Variants in IPCEF1 observed in about 807,000 individuals in gnomAD.
The protein encoded by IPCEF1 is interaction protein for cytohesin exchange factors 1.
Under a neutral mutation model 50.9 loss-of-function variants are expected in IPCEF1, and 31 were observed. The ratio of observed to expected loss-of-function variants is 0.61; its 90% CI spans 0.46 to 0.82. IPCEF1 has a LOEUF of 0.82. Among genes scored for constraint, IPCEF1 ranks in the 40% least tolerant of loss-of-function variants. The pLI is 0.00. For missense variants in IPCEF1, 458 were observed against 514.0 expected (o/e 0.89, Z 1.05); for synonymous variants, 181 against 192.0 (o/e 0.94, Z 0.47).
At chr6:154,308,930 G>T (rs59356861) in intron 1 of IPCEF1, among the ~76,000 whole-genome samples, 10,730 of 152,168 alleles carry the variant, frequency 0.071, 547 homozygotes, top group African/African-American at 0.14. Context: ...CACAAGGACC[G>T]TCTGCTAAAA....
intron 1 of IPCEF1, among the ~76,000 whole-genome samples, chr6:154,353,211 C>A (rs946040825): frequency 6.6e-6 from 1 of 152,118 alleles, no homozygotes; most frequent in East Asian, 1.9e-4. Context: ...CACACTATCA[C>A]TAAAACATTG....
At chr6:154,253,679 C>CTTTAATTT (rs1781392436) in intron 3 of IPCEF1, among the ~76,000 whole-genome samples, 1 of 152,182 alleles carries the variant, frequency 6.6e-6, no homozygotes, top group African/African-American at 2.4e-5. Context: ...ATATGTGCAT[C>CTTTAATTT]TTTAATTTTT....
At chr6:154,275,711 C>T (rs887898486) in intron 2 of IPCEF1, among the ~76,000 whole-genome samples, 19 of 152,092 alleles carry the variant, frequency 1.2e-4, no homozygotes, top group African/African-American at 4.3e-4. Context: ...GTGCCCTTTA[C>T]ACCAAAGTGA....
chr6:154,229,970 G>A (rs139384887), intron 5 of IPCEF1, among the ~76,000 whole-genome samples: 169 of 152,328 alleles, frequency 1.1e-3, no homozygotes, highest in African/African-American at 3.9e-3. Flanking sequence ...CAAGCGATCA[G>A]TTATGACTGT....
chr6:154,172,371 T>C (rs559108188), intron 10 of IPCEF1, among the ~76,000 whole-genome samples: 10 of 152,312 alleles, frequency 6.6e-5, no homozygotes, highest in Admixed American at 5.9e-4. Flanking sequence ...GGTCGGGGGA[T>C]TTCCCTTTCC....
intron 1 of IPCEF1, among the ~76,000 whole-genome samples, chr6:154,310,539 T>C (rs188376401): frequency 4.6e-5 from 7 of 152,304 alleles, no homozygotes; most frequent in Admixed American, 1.3e-4. Flanking sequence ...ATTCTGGGTG[T>C]ATATCCAAAG....
rs532874855 is a variant in IPCEF1, at chr6:154,173,641, G to A, written c.911-5528C>T. Among the ~76,000 whole-genome samples, 38 of 152,126 alleles carry A rather than the reference G, an allele frequency of 2.5e-4. 1 individual carries two copies. Among genetic ancestry groups the A allele is most frequent in the African/African-American group, 8.2e-4 (34 of 41,488 alleles). On this transcript the variant is annotated intron_variant, in intron 10 of 11. Coordinates refer to ENST00000367220, the MANE Select transcript of IPCEF1 (RefSeq NM_001130700.2). ...TATAGAAAAAAGAATGAAAAGAAACGAACAAAGCCTCCAAGAAATATGGGA... is the reference window on the plus strand; with the variant it reads ...TATAGAAAAAAGAATGAAAAGAAACAAACAAAGCCTCCAAGAAATATGGGA...
chr6:154,212,791 G>C lies in IPCEF1; in HGVS notation c.516C>G (p.His172Gln). 1 of 1,612,476 alleles carries C rather than the reference G, an allele frequency of 6.2e-7. No homozygotes were observed. The highest frequency in any genetic ancestry group is 1.1e-5 in the South Asian group (1 of 91,020). ...EIAAETPPPP[H>Q]ASQTQSLTAQ... ...ATACCAAAGACTGAGTCTGGGAAGC[G>C]TGAGGAGGGGGTGGTGTCTCCGCAG... The change falls in exon 9 of 12, where the codon CAC becomes CAG. Residue 172 changes from histidine to glutamine, a missense_variant. Transcript: ENST00000367220.
intron 11 of IPCEF1, among the ~76,000 whole-genome samples, chr6:154,167,028 C>T (rs530165840): frequency 7.2e-5 from 11 of 152,258 alleles, no homozygotes; most frequent in South Asian, 2.1e-4. Flanking sequence ...CTAACTGGGA[C>T]GCCTAAGAGC....
chr6:154,259,681 T>C (rs1781547094), intron 3 of IPCEF1, among the ~76,000 whole-genome samples: 1 of 151,644 alleles, frequency 6.6e-6, no homozygotes, highest in Non-Finnish European at 1.5e-5. Flanking sequence ...AAATAAAAAA[T>C]AAATAAATAA....
chr6:154,277,589 A>T, intron 2 of IPCEF1, among the ~76,000 whole-genome samples: 1 of 152,232 alleles, frequency 6.6e-6, no homozygotes, highest in South Asian at 2.1e-4. Context: ...CTAAGTTTTC[A>T]AAAAGAAAAT....
In IPCEF1 at chr6:154,160,071, T is replaced by A. The variant is rs1373079159; in HGVS notation, c.1105-31A>T. ...TGAGTAGAAAAAAAGGGGAAGGGGG[T>A]ATGTTGAGAGTGTCTTAATTTACAT... is the stretch of plus-strand genomic sequence containing the variant. On this transcript the variant is annotated intron_variant, in intron 11 of 11. Transcript: ENST00000367220. 1.0e-5 allele frequency: 16 copies of A among 1,526,020 alleles called. No homozygotes were observed. In the African/African-American group the frequency reaches 2.2e-4, roughly 21 times the overall value. 94.5% of individuals were successfully genotyped at this position (1,526,020 alleles called of 1,614,324 possible).
At chr6:154,291,732 T>C (rs1002602184) in intron 1 of IPCEF1, among the ~76,000 whole-genome samples, 4 of 140,966 alleles carry the variant, frequency 2.8e-5, no homozygotes, top group Non-Finnish European at 6.0e-5. Flanking sequence ...TCGTCCAGGC[T>C]GGAGAGCCGT....
intron 5 of IPCEF1, among the ~76,000 whole-genome samples, chr6:154,228,037 G>A (rs1306975639): frequency 1.3e-5 from 2 of 152,086 alleles, no homozygotes; most frequent in African/African-American, 2.4e-5. Context: ...AATCTTGAGA[G>A]AATGACAGTG....
intron 2 of IPCEF1, among the ~76,000 whole-genome samples, chr6:154,273,112 G>A (rs1781938409): frequency 6.6e-6 from 1 of 152,184 alleles, no homozygotes. Flanking sequence ...AGAGCCTTAA[G>A]TGAAAACAAA....
At chr6:154,270,744 G>A (rs9383698) in intron 2 of IPCEF1, among the ~76,000 whole-genome samples, 38,443 of 152,048 alleles carry the variant, frequency 0.25, 5,425 homozygotes, top group East Asian at 0.65. Flanking sequence ...GGGAGGCCAA[G>A]GTGGGCAAAT....
chr6:154,222,840 G>GTTTTT, intron 6 of IPCEF1: 1 of 324,174 alleles, frequency 3.1e-6, no homozygotes, highest in Non-Finnish European at 5.9e-6. Flanking sequence ...TTAACTGCTT[G>GTTTTT]TTTTTTCTTT....
At chr6:154,306,486 C>T (rs1466187810) in intron 1 of IPCEF1, among the ~76,000 whole-genome samples, 2 of 152,210 alleles carry the variant, frequency 1.3e-5, no homozygotes, top group Admixed American at 6.5e-5. Context: ...ATCCTCCTGC[C>T]TCAGTCTCCC....
chr6:154,223,260 C>G lies in IPCEF1; in HGVS notation c.247-17G>C. The G allele has an allele frequency of 6.3e-7, 1 of 1,593,516 alleles. No individual in the cohort carries two copies. The highest frequency in any genetic ancestry group is 1.1e-5 in the South Asian group (1 of 90,186). On this transcript the variant is annotated splice_polypyrimidine_tract_variant and intron_variant, in intron 5 of 11. Coordinates refer to ENST00000367220, the MANE Select transcript of IPCEF1 (RefSeq NM_001130700.2). ...TTTCTCTGCCTGAAACAAATATATA[C>G]CACAAATAGGAATGAATGCATCAAT...
Sources: allele counts gnomAD v4.1 joint callset (sites outside exome capture counted in the v4.1 genomes callset), GRCh38; gene constraint gnomAD v4.1.1; transcripts MANE v1.5; gene names NCBI Gene and HGNC (gene_info 2026-07-23, HGNC 2026-07-21).